CLSTN2: variants seen among roughly 807,000 people sequenced by gnomAD.
CLSTN2 encodes calsyntenin-2.
CLSTN2 carries 48 observed loss-of-function variants against 101.2 expected under a neutral mutation model. That is an observed-to-expected ratio of 0.47 (90% confidence interval 0.38 to 0.60). CLSTN2 has a LOEUF of 0.60. Ranked by LOEUF, CLSTN2 falls within the 20% of genes least tolerant of loss-of-function variation. The probability of loss-of-function intolerance (pLI) is 0.00; values close to 1 mark genes in which losing one functional copy is unlikely to be tolerated. For synonymous variants in CLSTN2, 481 were observed against 463.6 expected (o/e 1.04, Z -0.48); for missense variants, 1,160 against 1,238.2 (o/e 0.94, Z 0.95).
At chr3:139,974,296 G>T (rs1935773304) in intron 1 of CLSTN2, among the ~76,000 whole-genome samples, 1 of 152,198 alleles carries the variant, frequency 6.6e-6, no homozygotes, top group South Asian at 2.1e-4. Context: ...GAGCCATAGG[G>T]CAAGGACTAA....
intron 1 of CLSTN2, among the ~76,000 whole-genome samples, chr3:139,948,414 A>G (rs998941877): frequency 6.6e-6 from 1 of 152,046 alleles, no homozygotes; most frequent in Non-Finnish European, 1.5e-5. Context: ...GCAGTGAGCC[A>G]AGATAGCGCC....
At chr3:140,380,195 T>A (rs2087963783) in intron 2 of CLSTN2, among the ~76,000 whole-genome samples, 1 of 152,198 alleles carries the variant, frequency 6.6e-6, no homozygotes. Flanking sequence ...GCTTGAGGAA[T>A]GCCCAAAAAT....
chr3:140,202,537 G>A (rs139343310), intron 2 of CLSTN2, among the ~76,000 whole-genome samples: 21 of 152,292 alleles, frequency 1.4e-4, no homozygotes, highest in African/African-American at 5.1e-4. Context: ...ACGTTAGAAC[G>A]TTCTGTCTGC....
intron 8 of CLSTN2, among the ~76,000 whole-genome samples, chr3:140,473,230 C>T (rs1933896245): frequency 6.6e-6 from 1 of 152,224 alleles, no homozygotes; most frequent in Non-Finnish European, 1.5e-5. Context: ...TTTCATCATG[C>T]CTCAGATTCC....
intron 2 of CLSTN2, among the ~76,000 whole-genome samples, chr3:140,202,159 G>A (rs2010725458): frequency 6.6e-6 from 1 of 152,194 alleles, no homozygotes; most frequent in Non-Finnish European, 1.5e-5. Flanking sequence ...TACAGCAGGG[G>A]TTTGAGCAGA....
chr3:140,323,021 T>G (rs1313214215), intron 2 of CLSTN2, among the ~76,000 whole-genome samples: 1 of 152,252 alleles, frequency 6.6e-6, no homozygotes, highest in Non-Finnish European at 1.5e-5. Flanking sequence ...ATATTTGTAA[T>G]TCTTTCTCTG....
chr3:140,194,404 A>G (rs2010614700), intron 2 of CLSTN2, among the ~76,000 whole-genome samples: 1 of 152,154 alleles, frequency 6.6e-6, no homozygotes, highest in African/African-American at 2.4e-5. Flanking sequence ...CTTGAAATAT[A>G]TCACATTGGG....
chr3:140,461,035 C>T (rs1319622300), intron 7 of CLSTN2: 2 of 152,140 alleles, frequency 1.3e-5, no homozygotes, highest in Non-Finnish European at 2.9e-5. Context: ...TTAGTAGCAT[C>T]ACATGCATAA....
chr3:140,486,474 C>T (rs186139821), intron 8 of CLSTN2, among the ~76,000 whole-genome samples: 22 of 152,258 alleles, frequency 1.4e-4, no homozygotes, highest in Admixed American at 9.2e-4. Flanking sequence ...TCTACTGATG[C>T]AAAGTTCTTA....
intron 1 of CLSTN2, among the ~76,000 whole-genome samples, chr3:139,992,480 A>G (rs73224985): frequency 0.22 from 34,131 of 152,070 alleles, 3,929 homozygotes; most frequent in African/African-American, 0.29. Context: ...GGCTCACCAG[A>G]GTCAAAGCTC....
chr3:140,072,402 T>G (rs1470398551), intron 1 of CLSTN2, among the ~76,000 whole-genome samples: 2 of 152,138 alleles, frequency 1.3e-5, no homozygotes, highest in African/African-American at 2.4e-5. Flanking sequence ...CTTATAGTTC[T>G]TCTATAAATC....
At chr3:140,516,663 A>G (rs1226757150) in intron 8 of CLSTN2, among the ~76,000 whole-genome samples, 3 of 152,120 alleles carry the variant, frequency 2.0e-5, no homozygotes, top group South Asian at 2.1e-4. Flanking sequence ...AGAAGGCTAC[A>G]GATAGGGCCC....
chr3:140,497,986 T>A (rs1451005206), intron 8 of CLSTN2, among the ~76,000 whole-genome samples: 2 of 152,190 alleles, frequency 1.3e-5, no homozygotes, highest in Non-Finnish European at 2.9e-5. Context: ...ACCCTGCTTT[T>A]CTTCCTTCTC....
chr3:140,343,716 T>A (rs2087514008), intron 2 of CLSTN2, among the ~76,000 whole-genome samples: 1 of 152,260 alleles, frequency 6.6e-6, no homozygotes, highest in Admixed American at 6.5e-5. Flanking sequence ...TTCATGTTCA[T>A]CCAAGTTCTA....
rs758772109 is a variant in CLSTN2, at chr3:140,056,391, G to A, written c.110-119560G>A. Among the ~76,000 whole-genome samples, 9 of 152,210 alleles carry A rather than the reference G, an allele frequency of 5.9e-5. No individual in the cohort carries two copies. In the East Asian group the frequency reaches 7.7e-4, roughly 13 times the overall value. ...GTTAGGTGACCTCCCCTCTGTACCC[G>A]CAGGGCTCCAGGTGTACTTCTCTGT... On this transcript the variant is annotated intron_variant, in intron 1 of 16. Transcript: ENST00000458420.
intron 8 of CLSTN2, among the ~76,000 whole-genome samples, chr3:140,474,920 C>T (rs998290081): frequency 3.3e-5 from 5 of 152,176 alleles, no homozygotes; most frequent in Non-Finnish European, 7.3e-5. Flanking sequence ...CTGGGCAGCA[C>T]CCTGCACTTT....
intron 1 of CLSTN2, among the ~76,000 whole-genome samples, chr3:139,947,230 A>G (rs1488160075): frequency 6.6e-6 from 1 of 152,184 alleles, no homozygotes; most frequent in Non-Finnish European, 1.5e-5. Context: ...GAGTGTTTGG[A>G]TTCTTCTCCC....
chr3:140,500,928 A>C (rs1034127135), intron 8 of CLSTN2, among the ~76,000 whole-genome samples: 2 of 152,232 alleles, frequency 1.3e-5, no homozygotes, highest in Admixed American at 1.3e-4. Flanking sequence ...GAGTATAAAT[A>C]AATAAATAAT....
At chr3:140,461,384 A>G (rs1933559168) in intron 7 of CLSTN2, 1 of 152,358 alleles carries the variant, frequency 6.6e-6, no homozygotes, top group Admixed American at 6.5e-5. Flanking sequence ...CAGCCTAAGA[A>G]TGTGCAGACA....
Sources: allele counts gnomAD v4.1 joint callset (sites outside exome capture counted in the v4.1 genomes callset), GRCh38; gene constraint gnomAD v4.1.1; transcripts MANE v1.5; gene names NCBI Gene and HGNC (gene_info 2026-07-23, HGNC 2026-07-21).